ANO4: variants seen among roughly 807,000 people sequenced by gnomAD.
The protein encoded by ANO4 is anoctamin-4.
In ANO4, 69 loss-of-function variants were observed where a neutral mutation model predicts 141.9. The observed-to-expected ratio is 0.49, with a 90% CI of 0.40 to 0.59. ANO4 has a LOEUF of 0.59. Among genes scored for constraint, ANO4 ranks in the 20% least tolerant of loss-of-function variants. ANO4 has a pLI of 0.00. For synonymous variants in ANO4, 350 were observed against 394.3 expected (o/e 0.89, Z 1.33); for missense variants, 894 against 1,162.2 (o/e 0.77, Z 3.36).
chr12:101,002,134 G>A (rs1388269936), intron 8 of ANO4, among the ~76,000 whole-genome samples: 4 of 152,084 alleles, frequency 2.6e-5, no homozygotes, highest in Non-Finnish European at 2.9e-5. Flanking sequence ...GAACAATTAC[G>A]ACAGTCTCTT....
chr12:101,069,654 C>T, intron 14 of ANO4, among the ~76,000 whole-genome samples: 1 of 152,192 alleles, frequency 6.6e-6, no homozygotes, highest in Non-Finnish European at 1.5e-5. Context: ...CCTTCCATTC[C>T]TCACTGAAGG....
intron 5 of ANO4, among the ~76,000 whole-genome samples, chr12:100,959,768 T>C (rs1031301747): frequency 2.0e-5 from 3 of 152,208 alleles, no homozygotes; most frequent in Non-Finnish European, 4.4e-5. Flanking sequence ...TTTGCTCACC[T>C]TCTCTTCTGT....
At chr12:100,852,019 G>A (rs1198900885) in intron 1 of ANO4, among the ~76,000 whole-genome samples, 1 of 152,048 alleles carries the variant, frequency 6.6e-6, no homozygotes, top group Non-Finnish European at 1.5e-5. Context: ...AACCATTTTG[G>A]GTGCTTGGGT....
intron 1 of ANO4, among the ~76,000 whole-genome samples, chr12:100,719,423 T>G (rs181320549): frequency 6.6e-6 from 1 of 152,306 alleles, no homozygotes. Flanking sequence ...ATTGAGATCA[T>G]TATCTGATGA....
At chr12:100,793,758 T>A (rs548594248), upstream of ANO4, among the ~76,000 whole-genome samples, 15 of 152,282 alleles carry the variant, frequency 9.9e-5, no homozygotes, top group South Asian at 2.1e-3. Context: ...AGAAACTACA[T>A]CCCTATATAA....
At position 101,097,687 on chromosome 12, in the gene ANO4, A is replaced by C; in HGVS notation, c.1887A>C (p.Ile629=). Residue 629 remains isoleucine (I), a synonymous_variant, in exon 20 of 28, where the codon ATA becomes ATC. Coordinates refer to ENST00000392977, the MANE Select transcript of ANO4 (RefSeq NM_001286615.2). ...TGHPGAYLRL[I]NRWRLEECHP... is the part of the protein sequence containing the mutation. ...ACCCAGGTGCCTACTTGAGGCTGAT[A>C]AACAGGTGGAGACTAGAAGAGGTCT... is the stretch of plus-strand genomic sequence containing the variant. The C allele has an allele frequency of 6.2e-7, 1 of 1,613,820 alleles. No homozygotes were observed. The highest frequency in any genetic ancestry group is 8.5e-7 in the Non-Finnish European group (1 of 1,179,788).
chr12:100,883,120 G>A (rs1430905468), intron 1 of ANO4, among the ~76,000 whole-genome samples: 1 of 152,178 alleles, frequency 6.6e-6, no homozygotes, highest in Non-Finnish European at 1.5e-5. Context: ...AAAACAAGAG[G>A]AGATAAGTAC....
chr12:100,948,937 C>G (rs2042859965), intron 5 of ANO4, among the ~76,000 whole-genome samples: 1 of 152,084 alleles, frequency 6.6e-6, no homozygotes, highest in Non-Finnish European at 1.5e-5. Context: ...TCAGAGAGAC[C>G]CTCCTTGCTG....
At position 100,863,662 on chromosome 12, in the gene ANO4, G is replaced by A. The variant is rs144884886; in HGVS notation, c.-140-37984G>A. 2.1e-3 allele frequency among the ~76,000 whole-genome samples: 324 copies of A among 152,182 alleles called. 1 individual carries two copies. Among genetic ancestry groups the A allele is most frequent in the African/African-American group, 7.4e-3 (308 of 41,510 alleles). On this transcript the variant is annotated intron_variant, in intron 1 of 27. Transcript: ENST00000392977. The stretch of plus-strand genomic sequence containing the variant: ...ATATATTCATTATGTACAAATATAC[G>A]TGCATTATATTATTAAAACTTAACA...
intron 8 of ANO4, among the ~76,000 whole-genome samples, chr12:101,002,747 A>G (rs1238039157): frequency 2.0e-5 from 3 of 152,314 alleles, no homozygotes; most frequent in African/African-American, 7.2e-5. Context: ...GGCACTGACT[A>G]TTATATCACA....
chr12:100,910,042 C>T (rs868560998), intron 2 of ANO4, among the ~76,000 whole-genome samples: 11 of 151,938 alleles, frequency 7.2e-5, no homozygotes, highest in South Asian at 2.1e-4. Context: ...ATATTGCATA[C>T]GACACACATA....
At chr12:100,866,505 A>G (rs1319369839) in intron 1 of ANO4, among the ~76,000 whole-genome samples, 1 of 152,076 alleles carries the variant, frequency 6.6e-6, no homozygotes, top group African/African-American at 2.4e-5. Flanking sequence ...TTTGGTTCCA[A>G]GCATGGTCCT....
intron 14 of ANO4, among the ~76,000 whole-genome samples, chr12:101,057,643 T>C (rs2048177319): frequency 6.6e-6 from 1 of 152,218 alleles, no homozygotes; most frequent in Non-Finnish European, 1.5e-5. Flanking sequence ...CATATGTTTG[T>C]TGCCTGTGTA....
intron 3 of ANO4, among the ~76,000 whole-genome samples, chr12:100,774,555 A>G (rs1230954963): frequency 6.6e-6 from 1 of 152,268 alleles, no homozygotes; most frequent in Non-Finnish European, 1.5e-5. Flanking sequence ...CAAGTAGATG[A>G]AAAGACCTAG....
At chr12:100,854,721 T>C (rs2038072266) in intron 1 of ANO4, among the ~76,000 whole-genome samples, 1 of 152,194 alleles carries the variant, frequency 6.6e-6, no homozygotes, top group Non-Finnish European at 1.5e-5. Flanking sequence ...ATAGTCCATT[T>C]TAGATTTTCC....
chr12:101,090,516 C>T (rs1316753720), intron 17 of ANO4, among the ~76,000 whole-genome samples: 1 of 152,084 alleles, frequency 6.6e-6, no homozygotes, highest in Non-Finnish European at 1.5e-5. Context: ...CCAAACACCG[C>T]ATGTTCTCAC....
intron 1 of ANO4, among the ~76,000 whole-genome samples, chr12:100,801,598 T>A (rs1420141200): frequency 6.6e-6 from 1 of 151,970 alleles, no homozygotes; most frequent in African/African-American, 2.4e-5. Flanking sequence ...TGAGGCTGAC[T>A]GCTATAAACA....
At chr12:100,864,707 T>A (rs2135903121) in intron 1 of ANO4, among the ~76,000 whole-genome samples, 1 of 152,302 alleles carries the variant, frequency 6.6e-6, no homozygotes, top group Middle Eastern at 3.4e-3. Context: ...TTATTATACT[T>A]TAAGTTCTGA....
intron 1 of ANO4, among the ~76,000 whole-genome samples, chr12:100,874,040 G>A (rs1056672663): frequency 5.3e-5 from 8 of 152,248 alleles, no homozygotes; most frequent in Non-Finnish European, 8.8e-5. Context: ...AGCCATAAGC[G>A]TTGGTAGCTT....
Sources: allele counts gnomAD v4.1 joint callset (sites outside exome capture counted in the v4.1 genomes callset), GRCh38; gene constraint gnomAD v4.1.1; transcripts MANE v1.5; gene names NCBI Gene and HGNC (gene_info 2026-07-23, HGNC 2026-07-21).